The following KIF3C variants were observed in gnomAD, a reference collection of about 807,000 sequenced individuals.
KIF3C encodes kinesin-like protein KIF3C.
KIF3C carries 12 observed loss-of-function variants against 67.7 expected under a neutral mutation model. The observed-to-expected ratio is 0.18, with a 90% confidence interval of 0.11 to 0.29. The LOEUF is 0.29. KIF3C is among the 10% of genes least tolerant of loss of function. The pLI is 1.00. For synonymous variants in KIF3C, 393 were observed against 426.2 expected, an observed-to-expected ratio of 0.92 and a Z score of 0.96; for missense variants, 789 against 1,059.6, an observed-to-expected ratio of 0.74 and a Z score of 3.55.
intron 4 of KIF3C, 112 bp downstream of exon 4, chr2:25,954,155 C>T: frequency 1.3e-6 from 1 of 794,990 alleles, no homozygotes; most frequent in Non-Finnish European, 2.2e-6. Flanking sequence ...CATTTTATTC[C>T]TAAAGGACTC....
chr2:25,929,532 A>G, intron 6 of KIF3C, 55 bp from the exon 7 acceptor site: 2 of 1,526,030 alleles, frequency 1.3e-6, no homozygotes, highest in Non-Finnish European at 1.8e-6. Context: ...TGTGCCTTCT[A>G]GGGACTCAGC....
At chr2:25,963,197 T>TATATATATATATATA (rs55857611) in intron 1 of KIF3C, among the ~76,000 whole-genome samples, 1 of 28,852 alleles carries the variant, frequency 3.5e-5, no homozygotes, top group African/African-American at 2.6e-4. Flanking sequence ...TATATATATA[T>TATATATATATATATA]TTTTTTTTTT....
At chr2:25,944,574 T>C (rs74479397) in intron 5 of KIF3C, among the ~76,000 whole-genome samples, 14,270 of 152,064 alleles carry the variant, frequency 0.094, 1,014 homozygotes, top group African/African-American at 0.19. Context: ...TGGTTTCAAA[T>C]GCCTAGGCTC....
intron 5 of KIF3C, among the ~76,000 whole-genome samples, chr2:25,935,701 C>T (rs1663078873): frequency 6.6e-6 from 1 of 152,028 alleles, no homozygotes; most frequent in African/African-American, 2.4e-5. Flanking sequence ...TAGAAACAAC[C>T]AAAATGGGGT....
intron 1 of KIF3C, among the ~76,000 whole-genome samples, chr2:25,976,918 G>A (rs1465492256): frequency 6.6e-6 from 1 of 152,038 alleles, no homozygotes; most frequent in African/African-American, 2.4e-5. Flanking sequence ...TTTTCACTGC[G>A]CAGTACCAAA....
chr2:25,948,630 G>C (rs894089428), intron 5 of KIF3C, among the ~76,000 whole-genome samples: 34 of 98,792 alleles, frequency 3.4e-4, no homozygotes, highest in African/African-American at 1.6e-3. Flanking sequence ...AAGAGAGAAA[G>C]AGAGAGAGAA....
intron 1 of KIF3C, among the ~76,000 whole-genome samples, chr2:25,979,964 C>T (rs1224122308): frequency 6.6e-6 from 1 of 152,168 alleles, no homozygotes; most frequent in Non-Finnish European, 1.5e-5. Context: ...ATTATTAAAA[C>T]GACGTGAGGT....
At position 25,958,538 on chromosome 2, in the gene KIF3C, G is replaced by A. The variant is rs1172409681; in HGVS notation, c.1546-2094C>T. Among the ~76,000 whole-genome samples the A allele has an allele frequency of 6.6e-6, 1 of 152,004 alleles. No homozygotes were observed. Among genetic ancestry groups the A allele is most frequent in the Non-Finnish European group, 1.5e-5 (1 of 68,014 alleles). ...AGAGGCTGCAGTGAGCCGAGATCAC[G>A]CCACTGCACTCCAGCCTGGGTGCCA... On this transcript the variant is annotated intron_variant, in intron 1 of 7. Coordinates refer to ENST00000264712, the MANE Select transcript of KIF3C (RefSeq NM_002254.8). The surrounding 1 kb of genome is among the most constrained non-coding windows in gnomAD (Gnocchi z 4.5).
At chr2:25,952,090 G>C (rs1056417059) in intron 4 of KIF3C, among the ~76,000 whole-genome samples, 185 bp from the exon 5 acceptor site, 42 of 152,148 alleles carry the variant, frequency 2.8e-4, no homozygotes, top group Admixed American at 7.2e-4. Flanking sequence ...AGGAGATCAA[G>C]ACCATCCTGG....
chr2:25,929,561 G>T, intron 6 of KIF3C, 84 bp from the exon 7 acceptor site: 1 of 1,196,804 alleles, frequency 8.4e-7, no homozygotes, highest in Non-Finnish European at 1.2e-6. Flanking sequence ...GGTGTAGCAG[G>T]GCTGATGAGG....
intron 1 of KIF3C, among the ~76,000 whole-genome samples, chr2:25,963,174 G>GTGTATATATATATA (rs1207447041): frequency 1.2e-4 from 4 of 34,302 alleles, no homozygotes; most frequent in East Asian, 3.4e-3. Flanking sequence ...ATGTGTGTGT[G>GTGTATATATATATA]TATATATATA....
Position 25,956,391 on chromosome 2 carries a change from G to C in KIF3C, c.1599C>G (p.Asn533Lys). 1 of 1,614,146 alleles carries C rather than the reference G, an allele frequency of 6.2e-7. No homozygotes were observed. Among genetic ancestry groups the C allele is most frequent in the Non-Finnish European group, 8.5e-7 (1 of 1,180,020 alleles). ...TCAGTTCCAACATCTTCTGCTGTTC[G>C]TTGGTGTGATCCATGATGTTCCTGC... ...IGGRNIMDHT[N>K]EQQKMLELKR... Residue 533 changes from asparagine to lysine, a missense_variant, in exon 2 of 8, where the codon AAC becomes AAG. Physicochemically the swap from Asn to Lys is moderately conservative, Grantham distance 94. This residue lies in a region of KIF3C where 648 missense variants were observed against 807.8 expected (regional missense o/e 0.80). Coordinates refer to ENST00000264712, the MANE Select transcript of KIF3C (RefSeq NM_002254.8).
chr2:25,948,632 G>GAA (rs1553714500), intron 5 of KIF3C, among the ~76,000 whole-genome samples: 88 of 100,652 alleles, frequency 8.7e-4, no homozygotes, highest in African/African-American at 2.0e-3. Flanking sequence ...GAGAGAAAGA[G>GAA]AGAGAGAAAG....
rs1426545905 is a variant in KIF3C at position 25,958,639 on chromosome 2, A to G, written c.1546-2195T>C. Among the ~76,000 whole-genome samples the G allele has an allele frequency of 6.6e-6, 1 of 152,158 alleles. No individual in the cohort carries two copies. Among genetic ancestry groups the G allele is most frequent in the Non-Finnish European group, 1.5e-5 (1 of 68,034 alleles). The stretch of plus-strand genomic sequence containing the variant: ...AATGCTTGCTCCTTGGCTTCAAACT[A>G]CTGAATGGACCTCCATTCCTTACAG... On this transcript the variant is annotated intron_variant, in intron 1 of 7. Transcript: ENST00000264712. The surrounding 1 kb of genome is among the most constrained non-coding windows in gnomAD (Gnocchi z 4.5).
Position 25,969,289 on chromosome 2 carries a change from A to G in KIF3C, c.1545+11084T>C, listed in dbSNP as rs961948326. Among the ~76,000 whole-genome samples the G allele has an allele frequency of 2.6e-5, 4 of 152,282 alleles. No individual in the cohort carries two copies. In the East Asian group the frequency reaches 7.7e-4, roughly 29 times the overall value. On this transcript the variant is annotated intron_variant, in intron 1 of 7. Coordinates refer to ENST00000264712, the MANE Select transcript of KIF3C (RefSeq NM_002254.8). ...AAATCTTCCAACTAGGCATTAACAT[A>G]TATCTTTTATATGTCCCCCCCGTCT...
In KIF3C at chr2:25,955,145, T is replaced by C. The variant is rs1663774370; in HGVS notation, c.1770+396A>G. ...TCCCTTGACATGTCCTTGAGGGCCT[T>C]ACACTCCCCACCTGAGCTTCCCGGG... On this transcript the variant is annotated intron_variant, in intron 3 of 7. Transcript: ENST00000264712. This position sits in a 1 kb window ranked among gnomAD's most constrained non-coding sequence, Gnocchi z 5.0. 6.6e-6 allele frequency among the ~76,000 whole-genome samples: 1 copy of C among 152,104 alleles called. No individual in the cohort carries two copies. Among genetic ancestry groups the C allele is most frequent in the Non-Finnish European group, 1.5e-5 (1 of 68,012 alleles).
chr2:25,937,282 G>C (rs182609865), intron 5 of KIF3C, among the ~76,000 whole-genome samples: 3 of 152,348 alleles, frequency 2.0e-5, no homozygotes, highest in Admixed American at 2.0e-4. Flanking sequence ...CAGAACAATG[G>C]CTGCCTTCTG....
chr2:25,975,949 C>T (rs914148526), intron 1 of KIF3C, among the ~76,000 whole-genome samples: 4 of 151,826 alleles, frequency 2.6e-5, no homozygotes, highest in Non-Finnish European at 5.9e-5. Context: ...CAGAGTGAGA[C>T]TCCGCCTCAA....
chr2:25,975,678 G>C (rs994948991), intron 1 of KIF3C, among the ~76,000 whole-genome samples: 1 of 152,120 alleles, frequency 6.6e-6, no homozygotes, highest in Non-Finnish European at 1.5e-5. Context: ...GAACAATAAG[G>C]CCAGGTGCAG....
Sources: gnomAD v4.1 joint callset for allele counts (sites outside exome capture counted in the v4.1 genomes callset) on GRCh38, gnomAD v4.1.1 for gene constraint, gnomAD v4.1.1 regional missense constraint, Gnocchi (gnomAD v3.1) non-coding constraint, MANE v1.5 for transcripts, NCBI Gene and HGNC (gene_info 2026-07-23, HGNC 2026-07-21) for gene names.